The following TTC28 variants were observed in gnomAD, a reference collection of about 807,000 sequenced individuals.
The protein encoded by TTC28 is tetratricopeptide repeat domain 28, also known as tetratricopeptide repeat protein 28.
TTC28 carries 61 observed loss-of-function variants against 198.0 expected under a neutral mutation model. The ratio of observed to expected loss-of-function variants is 0.31; its 90% CI spans 0.25 to 0.38. TTC28 has a LOEUF of 0.38. Among genes scored for constraint, TTC28 ranks in the 10% least tolerant of loss-of-function variants. The probability of loss-of-function intolerance (pLI) is 1.00; values close to 1 mark genes in which losing one functional copy is unlikely to be tolerated. For synonymous variants in TTC28, 1,171 were observed against 1,297.8 expected, an observed-to-expected ratio of 0.90 and a Z score of 2.10; for missense variants, 2,678 against 3,164.0, an observed-to-expected ratio of 0.85 and a Z score of 3.69.
rs573533589 is a variant in TTC28, at chr22:28,338,201, G to A, written c.382-31558C>T. ...TCTTCTGGCTTGTAGAGTTTCTGTC[G>A]AGAGATCAGCTGTTAGTCTGATGGG... On this transcript the variant is annotated intron_variant, in intron 2 of 22. Transcript: ENST00000397906. Among the ~76,000 whole-genome samples the A allele has an allele frequency of 1.9e-3, 294 of 152,286 alleles. 1 individual carries two copies. Among genetic ancestry groups the A allele is most frequent in the Non-Finnish European group, 3.3e-3 (227 of 68,030 alleles).
chr22:28,010,368 C>G (rs1372277948), intron 14 of TTC28, among the ~76,000 whole-genome samples: 1 of 152,226 alleles, frequency 6.6e-6, no homozygotes, highest in African/African-American at 2.4e-5. Flanking sequence ...ATAGCATATT[C>G]TTTAAGTCAC....
chr22:28,401,130 A>C (rs1473500108), intron 2 of TTC28, among the ~76,000 whole-genome samples: 1 of 151,802 alleles, frequency 6.6e-6, no homozygotes, highest in African/African-American at 2.4e-5. Flanking sequence ...AAAAAGGAGA[A>C]GTCTAAGAAG....
Position 28,296,335 on chromosome 22 carries a change from T to C in TTC28, c.803-7A>G. 1 of 1,500,150 alleles carries C rather than the reference T, an allele frequency of 6.7e-7. No homozygotes were observed. Among genetic ancestry groups the C allele is most frequent in the Non-Finnish European group, 8.9e-7 (1 of 1,128,340 alleles). The allele number at this position is 1,500,150 out of a possible 1,614,324, so 92.9% of individuals were successfully genotyped here. A position where few individuals can be genotyped will look rare whatever the true frequency, so the allele number is the denominator to read the frequency against. On this transcript the variant is annotated splice_polypyrimidine_tract_variant and splice_region_variant and intron_variant, in intron 4 of 22. Coordinates refer to ENST00000397906, the MANE Select transcript of TTC28 (RefSeq NM_001145418.2). Reference sequence around the variant, plus strand: ...CATTCTCCTGTCTGGTCACCTGGATTGAATTGAGAAAAAAAAAAAGAAAAA... The same window carrying C: ...CATTCTCCTGTCTGGTCACCTGGATCGAATTGAGAAAAAAAAAAAGAAAAA...
chr22:28,670,705 A>G (rs1291953168), intron 1 of TTC28, among the ~76,000 whole-genome samples: 1 of 106,650 alleles, frequency 9.4e-6, no homozygotes, highest in Admixed American at 8.7e-5. Flanking sequence ...TCTTTAGGGC[A>G]TATATATATA....
At chr22:28,157,173 C>T (rs1026311835) in intron 6 of TTC28, among the ~76,000 whole-genome samples, 2 of 152,132 alleles carry the variant, frequency 1.3e-5, no homozygotes, top group African/African-American at 2.4e-5. Context: ...CTATGAGCAA[C>T]TATACACCAA....
chr22:28,483,384 A>G (rs2048278550), intron 2 of TTC28, among the ~76,000 whole-genome samples: 1 of 152,174 alleles, frequency 6.6e-6, no homozygotes, highest in Non-Finnish European at 1.5e-5. Flanking sequence ...GGCCTCTCTG[A>G]AACATGAACA....
Position 28,088,257 on chromosome 22 carries a change from C to A in TTC28, c.3932+5823G>T, listed in dbSNP as rs552924475. On this transcript the variant is annotated intron_variant, in intron 12 of 22. Transcript: ENST00000397906. ...TGGAGGCATCACGCTACCTGACTTC[C>A]AACTATACTACAAGGCTACAGTAAC... Among the ~76,000 whole-genome samples, 341 of 152,132 alleles carry A rather than the reference C, an allele frequency of 2.2e-3. 5 individuals carry two copies. Among genetic ancestry groups the A allele is most frequent in the South Asian group, 0.011 (51 of 4,808 alleles).
chr22:28,152,206 A>T (rs1943624648), intron 6 of TTC28, among the ~76,000 whole-genome samples: 1 of 152,232 alleles, frequency 6.6e-6, no homozygotes, highest in Non-Finnish European at 1.5e-5. Context: ...CTAGGAAAAG[A>T]GGAGAAAGGG....
At chr22:28,101,862 C>T (rs1942167177) in intron 8 of TTC28, among the ~76,000 whole-genome samples, 1 of 147,760 alleles carries the variant, frequency 6.8e-6, no homozygotes, top group Non-Finnish European at 1.5e-5. Flanking sequence ...CTGAATCAGC[C>T]AAGGTAGAAT....
intron 2 of TTC28, among the ~76,000 whole-genome samples, chr22:28,405,806 G>A (rs2046990135): frequency 6.6e-6 from 1 of 152,194 alleles, no homozygotes; most frequent in Admixed American, 6.5e-5. Flanking sequence ...CATTGCCATG[G>A]TAATACCCAG....
At chr22:28,189,967 C>T (rs1377232655) in intron 5 of TTC28, among the ~76,000 whole-genome samples, 2 of 152,136 alleles carry the variant, frequency 1.3e-5, no homozygotes, top group African/African-American at 2.4e-5. Flanking sequence ...AAAGATTCAA[C>T]GAGTCTAGTT....
chr22:28,299,435 TC>T (rs2044971058), intron 3 of TTC28, among the ~76,000 whole-genome samples: 3 of 152,184 alleles, frequency 2.0e-5, no homozygotes, highest in Non-Finnish European at 4.4e-5. Context: ...AGCATTTTTT[TC>T]CTTCAATCAG....
intron 2 of TTC28, among the ~76,000 whole-genome samples, chr22:28,338,874 T>G (rs1050453749): frequency 6.6e-5 from 10 of 152,274 alleles, no homozygotes; most frequent in African/African-American, 2.2e-4. Flanking sequence ...TCTCTCAACT[T>G]GTCAAAGTCG....
chr22:28,613,481 G>A (rs766677401), intron 2 of TTC28, among the ~76,000 whole-genome samples: 1 of 152,120 alleles, frequency 6.6e-6, no homozygotes, highest in Non-Finnish European at 1.5e-5. Flanking sequence ...CCAAAAATGG[G>A]CAGAGACACA....
chr22:28,481,702 T>C lies in TTC28; in HGVS notation c.381+147850A>G, dbSNP rs1357865324. On this transcript the variant is annotated intron_variant, in intron 2 of 22. Transcript: ENST00000397906. The stretch of plus-strand genomic sequence containing the variant: ...TGAGGTAAATGAATAAATTCAAATG[T>C]TGAGATAGGATTTGGATTAATTTCG... Among the ~76,000 whole-genome samples the C allele has an allele frequency of 3.3e-5, 5 of 152,142 alleles. No homozygotes were observed. In the South Asian group the frequency reaches 6.2e-4, roughly 19 times the overall value.
At chr22:28,229,437 C>T (rs575082339) in intron 5 of TTC28, among the ~76,000 whole-genome samples, 1 of 152,308 alleles carries the variant, frequency 6.6e-6, no homozygotes, top group South Asian at 2.1e-4. Context: ...AAAAAGCTGA[C>T]TCCAAAACTA....
intron 12 of TTC28, among the ~76,000 whole-genome samples, chr22:28,036,247 T>A (rs1248155833): frequency 2.6e-5 from 4 of 152,102 alleles, no homozygotes; most frequent in Admixed American, 6.6e-5. Flanking sequence ...AAAATAAAAT[T>A]GATTTACTAC....
In TTC28 at chr22:28,437,971, C is replaced by T. The variant is rs114503577; in HGVS notation, c.382-131328G>A. ...GTCAAATGTGAAAGATTAAGTGACTCCCCCAAGGCCAAGAGTCAAGAGATC... is the reference window on the plus strand; with the variant it reads ...GTCAAATGTGAAAGATTAAGTGACTTCCCCAAGGCCAAGAGTCAAGAGATC... On this transcript the variant is annotated intron_variant, in intron 2 of 22. Transcript: ENST00000397906. Among the ~76,000 whole-genome samples, 327 of 152,232 alleles carry T rather than the reference C, an allele frequency of 2.1e-3. 2 individuals carry two copies. Among genetic ancestry groups the T allele is most frequent in the African/African-American group, 7.7e-3 (318 of 41,520 alleles).
intron 1 of TTC28, among the ~76,000 whole-genome samples, chr22:28,670,028 C>T (rs2051853340): frequency 6.7e-6 from 1 of 149,548 alleles, no homozygotes; most frequent in Non-Finnish European, 1.5e-5. Context: ...TTTGTCATTC[C>T]ATAAAATGGC....
Sources: gnomAD v4.1 joint callset for allele counts (sites outside exome capture counted in the v4.1 genomes callset) on GRCh38, gnomAD v4.1.1 for gene constraint, MANE v1.5 for transcripts, NCBI Gene and HGNC (gene_info 2026-07-23, HGNC 2026-07-21) for gene names.